The following GPT variants were observed in gnomAD, a reference collection of about 807,000 sequenced individuals.
The protein encoded by GPT is glutamic--pyruvic transaminase, also known as alanine aminotransferase 1.
Under a neutral mutation model 51.4 loss-of-function variants are expected in GPT, and 60 were observed. The observed-to-expected ratio is 1.17, with a 90% CI of 0.95 to 1.45. The LOEUF (loss-of-function observed/expected upper bound fraction) is 1.45, where lower values mean the gene tolerates loss of function less well. Ranked by LOEUF, GPT falls within the 40% of genes most tolerant of loss-of-function variation. The pLI is 0.00. For missense variants in GPT, 853 were observed against 704.0 expected (o/e 1.21, Z -2.40); for synonymous variants, 397 against 303.1 (o/e 1.31, Z -3.22).
chr8:144,506,167 C>T lies in GPT; in HGVS notation c.956+36C>T. On this transcript the variant is annotated intron_variant, in intron 7 of 10. Coordinates refer to ENST00000394955, the MANE Select transcript of GPT (RefSeq NM_005309.3). This position sits in a 1 kb window ranked among gnomAD's most constrained non-coding sequence, Gnocchi z 7.0. ...ACGAGGCGGGTGGGGGCTCGCGGGC[C>T]ATGGCCAGGCCCTCCTCGCCCGATG... 2 of 1,604,538 alleles carry T rather than the reference C, an allele frequency of 1.2e-6. No individual in the cohort carries two copies. The highest frequency in any genetic ancestry group is 1.7e-6 in the Non-Finnish European group (2 of 1,176,106).
In GPT at chr8:144,506,090, G is replaced by A. The variant is rs1461652819; in HGVS notation, c.915G>A (p.Glu305=). 1.9e-6 allele frequency: 3 copies of A among 1,612,232 alleles called. No individual in the cohort carries two copies. The highest frequency in any genetic ancestry group is 2.2e-5 in the East Asian group (1 of 44,864). ...GGCCGCCCTACGCCGGGCAGCAGGA[G>A]CTTGCCTCCTTCCACTCCACCTCCA... ...EMGPPYAGQQ[E]LASFHSTSKG... Residue 305 remains glutamate, a synonymous_variant, in exon 7 of 11, where the codon GAG becomes GAA. Coordinates refer to ENST00000394955, the MANE Select transcript of GPT (RefSeq NM_005309.3). The surrounding 1 kb of genome is among the most constrained non-coding windows in gnomAD (Gnocchi z 7.0).
Position 144,506,669 on chromosome 8 carries a change from C to T in GPT, c.1287+13C>T, listed in dbSNP as rs202022536. 6.6e-3 allele frequency: 3,763 copies of T among 569,482 alleles called. 8 individuals are homozygous for T. Among genetic ancestry groups the T allele is most frequent in the Non-Finnish European group, 0.011 (3,468 of 327,198 alleles). The allele number at this position is 569,482 out of a possible 1,614,324, so 35.3% of individuals were successfully genotyped here. On this transcript the variant is annotated intron_variant, in intron 9 of 10. Coordinates refer to ENST00000394955, the MANE Select transcript of GPT (RefSeq NM_005309.3). This position sits in a 1 kb window ranked among gnomAD's most constrained non-coding sequence, Gnocchi z 7.0. Reference sequence around the variant, plus strand: ...GGAGCGCGCTCAGGTCAGGCGGGGGCGGGGCCTGCGGGGTGGGCAGGGGGG... The same window carrying T: ...GGAGCGCGCTCAGGTCAGGCGGGGGTGGGGCCTGCGGGGTGGGCAGGGGGG...
Position 144,504,425 on chromosome 8 carries a change from A to G in GPT, c.121A>G (p.Ile41Val). Residue 41 changes from isoleucine (I) to valine (V), a missense_variant, in exon 1 of 11, where the codon ATA becomes GTA. By Grantham distance (29) the Ile-to-Val change is conservative. Transcript: ENST00000394955. ...AGTGGAGTACGCAGTGCGTGGCCCC[A>G]TAGTGCAGCGAGCCTTGGAGCTGGA... ...RRVEYAVRGPIVQRALELEQE... is the reference protein window; with the variant it reads ...RRVEYAVRGPVVQRALELEQE... 1.2e-6 allele frequency: 2 copies of G among 1,611,224 alleles called. No individual in the cohort carries two copies. Among genetic ancestry groups the G allele is most frequent in the South Asian group, 1.1e-5 (1 of 91,066 alleles).
rs559557046 is a variant in GPT at position 144,505,270 on chromosome 8, G to A, written c.520G>A (p.Gly174Ser). The change falls in exon 5 of 11, where the codon GGC (glycine) becomes AGC (serine). Residue 174 changes from glycine (G) to serine (S), a missense_variant. Coordinates refer to ENST00000394955, the MANE Select transcript of GPT (RefSeq NM_005309.3). The stretch of plus-strand genomic sequence containing the variant: ...GACGGTGCTGAAGCTGCTGGTGGCC[G>A]GCGAGGGCCACACACGCACGGGTGT... ...IVTVLKLLVA[G>S]EGHTRTGVLI... 7.5e-6 allele frequency: 12 copies of A among 1,594,090 alleles called. No homozygotes were observed. Among genetic ancestry groups the A allele is most frequent in the Admixed American group, 1.8e-5 (1 of 56,820 alleles).
chr8:144,506,395 C>A lies in GPT; in HGVS notation c.1120C>A (p.Gln374Lys), dbSNP rs1351116829. 6.4e-7 allele frequency: 1 copy of A among 1,559,330 alleles called. No individual in the cohort carries two copies. Among genetic ancestry groups the A allele is most frequent in the East Asian group, 2.4e-5 (1 of 42,190 alleles). ...PPAPTDPSFA[Q>K]FQAEKQAVLA... is the part of the protein sequence containing the mutation. The stretch of plus-strand genomic sequence containing the variant: ...CGCGCCCACCGACCCCTCCTTTGCG[C>A]AGTTCCAGGCTGTGAGTTGGGGGCA... The change falls in exon 8 of 11, where the codon CAG becomes AAG. Residue 374 changes from glutamine (Q) to lysine (K), a missense_variant. Transcript: ENST00000394955. This position sits in a 1 kb window ranked among gnomAD's most constrained non-coding sequence, Gnocchi z 7.0.
rs552558111 is a variant in GPT at position 144,507,107 on chromosome 8, G to T, written c.*107G>T. ...CTCTTGATGCCTGGCGGGGTGGGGTGGGGGGGGTGCTGGGCCCCTGCCTCT... is the reference window on the plus strand; with the variant it reads ...CTCTTGATGCCTGGCGGGGTGGGGTTGGGGGGGTGCTGGGCCCCTGCCTCT... On this transcript the variant is annotated 3_prime_UTR_variant, in exon 11 of 11. Transcript: ENST00000394955. 142 of 667,392 alleles carry T rather than the reference G, an allele frequency of 2.1e-4. 3 individuals are homozygous for T. The African/African-American group carries it at 2.3e-3, about 11-fold the overall frequency. The allele number at this position is 667,392 out of a possible 1,614,324, so 41.3% of individuals were successfully genotyped here. A position where few individuals can be genotyped will look rare whatever the true frequency, so the allele number is the denominator to read the frequency against.
In GPT at chr8:144,506,308, A is replaced by T. The variant is rs566405666; in HGVS notation, c.1033A>T (p.Ser345Cys). 2 of 1,580,818 alleles carry T rather than the reference A, an allele frequency of 1.3e-6. No individual in the cohort carries two copies. Among genetic ancestry groups the T allele is most frequent in the African/African-American group, 2.7e-5 (2 of 74,522 alleles). ...GCAGCAGCAGATGCTGAAGCTGATG[A>T]GTGTGCGGCTGTGCCCGCCGGTGCC... The part of the protein sequence containing the change: ...AVQQQMLKLM[S>C]VRLCPPVPGQ... Residue 345 changes from serine to cysteine, a missense_variant, in exon 8 of 11, where the codon AGT (serine) becomes TGT (cysteine). Coordinates refer to ENST00000394955, the MANE Select transcript of GPT (RefSeq NM_005309.3). The surrounding 1 kb of genome is among the most constrained non-coding windows in gnomAD (Gnocchi z 7.0).
chr8:144,506,598 G>A lies in GPT; in HGVS notation c.1229G>A (p.Gly410Asp). 2.6e-6 allele frequency: 4 copies of A among 1,568,188 alleles called. No homozygotes were observed. The highest frequency in any genetic ancestry group is 1.3e-5 in the African/African-American group (1 of 74,296). Reference protein sequence around the residue: ...APGISCNPVQGAMYSFPRVQL... With the variant: ...APGISCNPVQDAMYSFPRVQL... ...GGCATCAGCTGCAACCCAGTGCAGG[G>A]CGCCATGTACTCCTTCCCGCGCGTG... Residue 410 changes from glycine (G) to aspartate (D), a missense_variant, in exon 9 of 11, where the codon GGC (glycine) becomes GAC (aspartate). By Grantham distance (94) the Gly-to-Asp change is moderately conservative. Transcript: ENST00000394955. This position sits in a 1 kb window ranked among gnomAD's most constrained non-coding sequence, Gnocchi z 7.0.
At chr8:144,503,437 T>C (rs1826631409), upstream of GPT, among the ~76,000 whole-genome samples, 1 of 152,060 alleles carries the variant, frequency 6.6e-6, no homozygotes, top group South Asian at 2.1e-4. Context: ...GCCTCGGGTG[T>C]GTCCCAAGGG....
At chr8:144,503,910 C>G (rs371493659), upstream of GPT, 1 of 301,624 alleles carries the variant, frequency 3.3e-6, no homozygotes, top group Admixed American at 4.6e-5. Flanking sequence ...CCCTCTCCCC[C>G]TCCCCCCATG....
At chr8:144,504,508 G>A (rs1297249913) in intron 1 of GPT, 42 bp downstream of exon 1, 1 of 1,608,236 alleles carries the variant, frequency 6.2e-7, no homozygotes, top group African/African-American at 1.3e-5. Flanking sequence ...GTCACAATGG[G>A]GTGGCCGAGT....
In GPT at chr8:144,504,647, G is replaced by A; in HGVS notation, c.206G>A (p.Gly69Glu). ...PFTEVIRANI[G>E]DAQAMGQRPI... Reference sequence around the variant, plus strand: ...ACCGAGGTCATCCGTGCCAACATCGGGGACGCACAGGCTATGGGGCAGAGG... The same window carrying A: ...ACCGAGGTCATCCGTGCCAACATCGAGGACGCACAGGCTATGGGGCAGAGG... The change falls in exon 2 of 11, where the codon GGG becomes GAG. Residue 69 changes from glycine to glutamate, a missense_variant. By Grantham distance (98) the Gly-to-Glu change is moderately conservative. Transcript: ENST00000394955. 1 of 1,613,318 alleles carries A rather than the reference G, an allele frequency of 6.2e-7. No individual in the cohort carries two copies. Among genetic ancestry groups the A allele is most frequent in the Non-Finnish European group, 8.5e-7 (1 of 1,180,006 alleles).
chr8:144,507,114 G>GGGGGGCGC lies in GPT; in HGVS notation c.*114_*115insGGGGGCGC. ...TGCCTGGCGGGGTGGGGTGGGGGGG[G>GGGGGGCGC]TGCTGGGCCCCTGCCTCTCTGCAGG... On this transcript the variant is annotated 3_prime_UTR_variant, in exon 11 of 11. Transcript: ENST00000394955. 1 of 498,332 alleles carries GGGGGGCGC rather than the reference G, an allele frequency of 2.0e-6. No individual in the cohort carries two copies. Among genetic ancestry groups the GGGGGGCGC allele is most frequent in the Non-Finnish European group, 3.9e-6 (1 of 254,518 alleles). The allele number at this position is 498,332 out of a possible 1,614,324, so 30.9% of individuals were successfully genotyped here.
intron 1 of GPT, 46 bp downstream of exon 1, chr8:144,504,512 G>A (rs1323102931): frequency 6.2e-7 from 1 of 1,607,946 alleles, no homozygotes; most frequent in Non-Finnish European, 8.5e-7. Flanking sequence ...CAATGGGGTG[G>A]CCGAGTTGGC....
At chr8:144,503,084 G>C (rs897436252), upstream of GPT, 1 of 152,486 alleles carries the variant, frequency 6.6e-6, no homozygotes, top group Non-Finnish European at 1.5e-5. Context: ...GCAGGCCTGC[G>C]CACGGGGAGG....
At position 144,506,236 on chromosome 8, in the gene GPT, G is replaced by A; in HGVS notation, c.961G>A (p.Gly321Arg). Reference protein sequence around the residue: ...STSKGYMGECGFRGGYVEVVN... With the variant: ...STSKGYMGECRFRGGYVEVVN... ...ACCTGACCTGGCCGTGCGCAGGTGC[G>A]GGTTCCGCGGCGGCTATGTGGAGGT... Residue 321 changes from glycine (G) to arginine (R), a missense_variant, in exon 8 of 11, where the codon GGG becomes AGG. By Grantham distance (125) the Gly-to-Arg change is moderately radical (BLOSUM62 -2). Transcript: ENST00000394955. The surrounding 1 kb of genome is among the most constrained non-coding windows in gnomAD (Gnocchi z 7.0). 6.2e-7 allele frequency: 1 copy of A among 1,606,918 alleles called. No homozygotes were observed.
chr8:144,506,825 A>C lies in GPT; in HGVS notation c.1382A>C (p.Glu461Ala). The C allele has an allele frequency of 6.2e-7, 1 of 1,612,728 alleles. No homozygotes were observed. The highest frequency in any genetic ancestry group is 2.2e-5 in the East Asian group (1 of 44,876). ...CCAGGGAGCGGCTTTGGGCAGCGGG[A>C]AGGCACCTACCACTTCCGGTGAGGC... ...VVPGSGFGQREGTYHFRMTIL... is the reference protein window; with the variant it reads ...VVPGSGFGQRAGTYHFRMTIL... Residue 461 changes from glutamate to alanine, a missense_variant, in exon 10 of 11, where the codon GAA (glutamate) becomes GCA (alanine). Transcript: ENST00000394955. This position sits in a 1 kb window ranked among gnomAD's most constrained non-coding sequence, Gnocchi z 7.0.
rs376198243 is a variant in GPT, at chr8:144,505,458, G to T, written c.708G>T (p.Ala236=). 4.4e-6 allele frequency: 7 copies of T among 1,594,542 alleles called. No homozygotes were observed. Among genetic ancestry groups the T allele is most frequent in the African/African-American group, 2.7e-5 (2 of 74,542 alleles). ...GQARDHCRPR[A]LCVINPGNPT... ...CGCGTGACCACTGCCGCCCTCGTGC[G>T]CTCTGTGTCATCAACCCTGGCAACC... is the stretch of plus-strand genomic sequence containing the variant. The change falls in exon 5 of 11, where the codon GCG becomes GCT. Residue 236 remains alanine, a synonymous_variant. Transcript: ENST00000394955.
intron 4 of GPT, 43 bp from the exon 5 acceptor site, chr8:144,505,203 G>A (rs1564777407): frequency 1.2e-6 from 2 of 1,612,176 alleles, no homozygotes; most frequent in South Asian, 2.2e-5. Flanking sequence ...GACAGGTGCG[G>A]CCCCAGGCCT....
Sources: gnomAD v4.1 joint callset for allele counts (sites outside exome capture counted in the v4.1 genomes callset) on GRCh38, gnomAD v4.1.1 for gene constraint, Gnocchi (gnomAD v3.1) non-coding constraint, MANE v1.5 for transcripts, NCBI Gene and HGNC (gene_info 2026-07-23, HGNC 2026-07-21) for gene names.